WDR62: variants seen among roughly 807,000 people sequenced by gnomAD.
WDR62 encodes the protein WD repeat domain 62.
In WDR62, 112 loss-of-function variants were observed where a neutral mutation model predicts 160.6. That is an observed-to-expected ratio of 0.70 (90% confidence interval 0.60 to 0.82). WDR62 has a LOEUF of 0.82. Among genes scored for constraint, WDR62 ranks in the 40% least tolerant of loss-of-function variants. The pLI, the probability that WDR62 is intolerant of heterozygous loss-of-function variation, is 0.00. For missense variants in WDR62, 1,819 were observed against 1,983.8 expected (o/e 0.92, Z 1.58); for synonymous variants, 792 against 815.1 (o/e 0.97, Z 0.48).
chr19:36,095,974 G>C (rs1438711830), intron 20 of WDR62, among the ~76,000 whole-genome samples: 2 of 152,328 alleles, frequency 1.3e-5, no homozygotes, highest in East Asian at 1.9e-4. Flanking sequence ...GCACATCACT[G>C]TTAATGAGGC....
At chr19:36,073,085 G>A (rs1971383401) in intron 8 of WDR62, among the ~76,000 whole-genome samples, 1 of 152,108 alleles carries the variant, frequency 6.6e-6, no homozygotes, top group African/African-American at 2.4e-5. Context: ...GTGAAATGAT[G>A]GGCGATAAAT....
At chr19:36,059,082 A>AT in intron 2 of WDR62, 2 of 694,866 alleles carry the variant, frequency 2.9e-6, no homozygotes, top group Non-Finnish European at 5.4e-6. Context: ...GAAAGCCTTT[A>AT]TTATGACTAC....
At chr19:36,076,430 C>T (rs1309430642) in intron 9 of WDR62, among the ~76,000 whole-genome samples, 1 of 151,834 alleles carries the variant, frequency 6.6e-6, no homozygotes, top group Non-Finnish European at 1.5e-5. Flanking sequence ...TGGTGGCAGG[C>T]GCCTGTAGTC....
chr19:36,097,086 C>G lies in WDR62; in HGVS notation c.2520+7C>G, dbSNP rs779050334. ...ACTGTGGGCAAAGCGGCTGGTAAGT[C>G]TTCAGGGAGAGGGTTGCTCAGGGGC... On this transcript the variant is annotated splice_region_variant and intron_variant, in intron 21 of 31. Coordinates refer to ENST00000401500, the MANE Select transcript of WDR62 (RefSeq NM_001083961.2). 9 of 1,613,790 alleles carry G rather than the reference C, an allele frequency of 5.6e-6. No homozygotes were observed. In the South Asian group the frequency reaches 9.9e-5, roughly 18 times the overall value.
chr19:36,104,874 G>A lies in WDR62; in HGVS notation c.4418G>A (p.Gly1473Glu). The A allele has an allele frequency of 1.9e-6, 3 of 1,612,538 alleles. No individual in the cohort carries two copies. The highest frequency in any genetic ancestry group is 2.5e-6 in the Non-Finnish European group (3 of 1,179,938). ...HSQLEAECLV[G>E]TSVAPAQALP... is the part of the protein sequence containing the mutation. ...CAGCTGGAGGCTGAATGCCTGGTGGGGACTAGTGTGGCCCCAGCCCAGGCT... is the reference window on the plus strand; with the variant it reads ...CAGCTGGAGGCTGAATGCCTGGTGGAGACTAGTGTGGCCCCAGCCCAGGCT... The change falls in exon 32 of 32, where the codon GGG becomes GAG. Residue 1473 changes from glycine to glutamate, a missense_variant. Physicochemically the swap from Gly to Glu is moderately conservative, Grantham distance 98. Coordinates refer to ENST00000401500, the MANE Select transcript of WDR62 (RefSeq NM_001083961.2).
At chr19:36,091,067 A>G (rs1972570893) in intron 16 of WDR62, 133 bp from the exon 17 acceptor site, 2 of 744,436 alleles carry the variant, frequency 2.7e-6, no homozygotes, top group South Asian at 1.5e-5. Context: ...TCACGTGTCG[A>G]ATGGGAGCGG....
At position 36,086,686 on chromosome 19, in the gene WDR62, G is replaced by A. The variant is rs1207425162; in HGVS notation, c.1643-1G>A. ...ACCAGTCTCATTCTCTCCTCTCACA[G>A]GGCTGACCTTGCTGGCCTCAGCCAG... On this transcript the variant is annotated splice_acceptor_variant, in intron 12 of 31. Coordinates refer to ENST00000401500, the MANE Select transcript of WDR62 (RefSeq NM_001083961.2). LOFTEE classifies it high-confidence loss of function. 2 of 1,599,344 alleles carry A rather than the reference G, an allele frequency of 1.3e-6. No individual in the cohort carries two copies. Among genetic ancestry groups the A allele is most frequent in the Admixed American group, 1.7e-5 (1 of 58,434 alleles).
the WDR62 span, among the ~76,000 whole-genome samples, chr19:36,110,330 G>A: frequency 1.3e-5 from 2 of 152,094 alleles, no homozygotes; most frequent in African/African-American, 4.8e-5. Context: ...AATTAGCCCG[G>A]TGTGGTGGTG....
Position 36,101,667 on chromosome 19 carries a change from C to G in WDR62, c.2975C>G (p.Ser992Trp). The change falls in exon 25 of 32, where the codon TCG becomes TGG. Residue 992 changes from serine (S) to tryptophan (W), a missense_variant. Transcript: ENST00000401500. ...TGACCCCGACTCTGTCCTTCAGACT[C>G]GGGGGAGTCAGAGGCCGACCTGGAG... The part of the protein sequence containing the change: ...SPKDQSPPED[S>W]GESEADLECS... The G allele has an allele frequency of 1.3e-6, 2 of 1,550,408 alleles. No homozygotes were observed. Among genetic ancestry groups the G allele is most frequent in the Non-Finnish European group, 8.7e-7 (1 of 1,146,486 alleles).
At position 36,090,442 on chromosome 19, in the gene WDR62, CAG is replaced by C. The variant is rs1972523297; in HGVS notation, c.1959_1960del. ...TGGCCGCAACATGCCCCTACTTCCCCAGAGTCTACAACACTGTGAACGGGAAG... is the reference window on the plus strand; with the variant it reads ...TGGCCGCAACATGCCCCTACTTCCCCAGTCTACAACACTGTGAACGGGAAG... On this transcript the variant is annotated splice_acceptor_variant, in intron 15 of 31. Transcript: ENST00000401500. LOFTEE classifies it high-confidence loss of function. 1.9e-6 allele frequency: 3 copies of C among 1,614,046 alleles called. No individual in the cohort carries two copies. Among genetic ancestry groups the C allele is most frequent in the Non-Finnish European group, 1.7e-6 (2 of 1,179,956 alleles).
intron 30 of WDR62, 143 bp from the exon 31 acceptor site, chr19:36,104,375 C>CT: frequency 2.8e-6 from 3 of 1,072,674 alleles, no homozygotes; most frequent in Non-Finnish European, 4.0e-6. Flanking sequence ...GAGCAGAGAC[C>CT]TGTAGGAGTG....
intron 15 of WDR62, among the ~76,000 whole-genome samples, chr19:36,089,526 C>G (rs1329834667): frequency 2.0e-5 from 3 of 152,212 alleles, no homozygotes; most frequent in Non-Finnish European, 4.4e-5. Context: ...ACTGCAACCT[C>G]CACCTCCTGG....
intron 12 of WDR62, among the ~76,000 whole-genome samples, chr19:36,086,051 A>C (rs1972209389): frequency 6.6e-6 from 1 of 151,804 alleles, no homozygotes; most frequent in South Asian, 2.1e-4. Context: ...GGAGTTACAG[A>C]GTTGGTGGAG....
chr19:36,086,810 C>T lies in WDR62; in HGVS notation c.1766C>T (p.Ala589Val). 2.5e-6 allele frequency: 4 copies of T among 1,609,492 alleles called. No individual in the cohort carries two copies. Among genetic ancestry groups the T allele is most frequent in the Non-Finnish European group, 3.4e-6 (4 of 1,177,566 alleles). ...TCCTCCATCACCGCCATCAAGTTCG[C>T]TGGTGAGCCCCTTTCTTCCCGCTCC... The part of the protein sequence containing the change: ...HSSSITAIKF[A>V]GNRDIQMISC... Residue 589 changes from alanine (A) to valine (V), a missense_variant and splice_region_variant, in exon 13 of 32, where the codon GCT becomes GTT. Ala to Val is a moderately conservative substitution (Grantham distance 64, BLOSUM62 0). Coordinates refer to ENST00000401500, the MANE Select transcript of WDR62 (RefSeq NM_001083961.2).
At chr19:36,082,213 G>C (rs530123471) in intron 10 of WDR62, among the ~76,000 whole-genome samples, 4 of 152,206 alleles carry the variant, frequency 2.6e-5, no homozygotes, top group Non-Finnish European at 5.9e-5. Context: ...ACTGACAGCC[G>C]ACCATGTTAA....
chr19:36,069,421 T>A (rs1449140974), intron 7 of WDR62, among the ~76,000 whole-genome samples: 1 of 147,056 alleles, frequency 6.8e-6, no homozygotes, highest in East Asian at 2.0e-4. Flanking sequence ...GCTCCCCGCA[T>A]CTCAGACGAT....
chr19:36,081,694 C>T (rs1425708277), intron 10 of WDR62, 124 bp downstream of exon 10: 2 of 1,317,684 alleles, frequency 1.5e-6, no homozygotes, highest in African/African-American at 2.9e-5. Context: ...CAAGAGCCGG[C>T]AACCAAGGCA....
chr19:36,102,745 C>A lies in WDR62; in HGVS notation c.3229C>A (p.Pro1077Thr). ...TCGGGATCTTCCCCTAGAGCTCTTC[C>A]CCGCAGCTCTGGGAGACGTGGAGGC... Reference protein sequence around the residue: ...LTESPCRELFPAALGDVEASE... With the variant: ...LTESPCRELFTAALGDVEASE... Residue 1077 changes from proline (P) to threonine (T), a missense_variant, in exon 27 of 32, where the codon CCC becomes ACC. Around this residue, in one of 3 missense-constraint regions of WDR62, gnomAD observed 770 missense variants for 734.2 expected, o/e 1.05. Coordinates refer to ENST00000401500, the MANE Select transcript of WDR62 (RefSeq NM_001083961.2). 1 of 1,614,072 alleles carries A rather than the reference C, an allele frequency of 6.2e-7. No individual in the cohort carries two copies. The highest frequency in any genetic ancestry group is 1.6e-4 in the Middle Eastern group (1 of 6,062).
chr19:36,077,382 G>A (rs1971636180), intron 9 of WDR62, among the ~76,000 whole-genome samples: 2 of 139,834 alleles, frequency 1.4e-5, no homozygotes, highest in Admixed American at 1.5e-4. Context: ...CCGGGTTCAC[G>A]CCATTCTTCT....
Sources: allele counts gnomAD v4.1 joint callset (sites outside exome capture counted in the v4.1 genomes callset), GRCh38; gene constraint gnomAD v4.1.1; regional missense constraint gnomAD v4.1.1; transcripts MANE v1.5; gene names NCBI Gene and HGNC (gene_info 2026-07-23, HGNC 2026-07-21).